MBTPS1: variants seen among roughly 807,000 people sequenced by gnomAD.
The protein encoded by MBTPS1 is membrane bound transcription factor peptidase, site 1.
In MBTPS1, 94 loss-of-function variants were observed where a neutral mutation model predicts 127.8. That is an observed-to-expected ratio of 0.74 (90% CI 0.62 to 0.87). MBTPS1 has a LOEUF of 0.87. Among genes scored for constraint, MBTPS1 ranks in the 40% least tolerant of loss-of-function variants. MBTPS1 has a pLI of 0.00. For missense variants in MBTPS1, 1,636 were observed against 1,353.2 expected, an observed-to-expected ratio of 1.21 and a Z score of -3.28; for synonymous variants, 632 against 509.4, an observed-to-expected ratio of 1.24 and a Z score of -3.24.
intron 2 of MBTPS1, among the ~76,000 whole-genome samples, chr16:84,100,037 GTCAC>G (rs2086232484): frequency 1.3e-5 from 2 of 152,292 alleles, no homozygotes; most frequent in African/African-American, 2.4e-5. Flanking sequence ...TTCACATCTG[GTCAC>G]TCAAACTTTA....
chr16:84,071,703 G>A (rs565994752), intron 12 of MBTPS1: 5 of 151,368 alleles, frequency 3.3e-5, no homozygotes, highest in Non-Finnish European at 7.4e-5. Context: ...AACAATAAAA[G>A]TCACAAAACA....
At chr16:84,103,546 C>T (rs1450117558) in intron 1 of MBTPS1, among the ~76,000 whole-genome samples, 3 of 152,090 alleles carry the variant, frequency 2.0e-5, no homozygotes, top group Non-Finnish European at 4.4e-5. Context: ...GCCGCCATGT[C>T]CGCCCACTAC....
Position 84,091,666 on chromosome 16 carries a change from T to C in MBTPS1, c.963+66A>G, listed in dbSNP as rs2086108726. On this transcript the variant is annotated intron_variant, in intron 7 of 22. Coordinates refer to ENST00000343411, the MANE Select transcript of MBTPS1 (RefSeq NM_003791.4). ...AAAGCCACCAACACACTAGATATGA[T>C]GCAAAGTTGGGCTGCGAAAGAGCAG... is the stretch of plus-strand genomic sequence containing the variant. The C allele has an allele frequency of 2.8e-6, 3 of 1,069,096 alleles. No homozygotes were observed. The Admixed American group carries it at 5.1e-5, about 18-fold the overall frequency. 66.2% of individuals were successfully genotyped at this position (1,069,096 alleles called of 1,614,324 possible). A position where few individuals can be genotyped will look rare whatever the true frequency, so the allele number is the denominator to read the frequency against.
intron 13 of MBTPS1, 99 bp from the exon 14 acceptor site, chr16:84,070,137 A>C: frequency 9.8e-7 from 1 of 1,017,016 alleles, no homozygotes; most frequent in African/African-American, 1.6e-5. Flanking sequence ...AACCTAAATA[A>C]TTTGAACACA....
Position 84,101,983 on chromosome 16 carries a change from C to T in MBTPS1, c.-200G>A. The T allele has an allele frequency of 1.9e-6, 1 of 540,508 alleles. No individual in the cohort carries two copies. Among genetic ancestry groups the T allele is most frequent in the South Asian group, 2.5e-5 (1 of 40,666 alleles). 33.5% of individuals were successfully genotyped at this position (540,508 alleles called of 1,614,324 possible). A position where few individuals can be genotyped will look rare whatever the true frequency, so the allele number is the denominator to read the frequency against. ...GAAGAGAGGCTTTCATTTCTTTCTC[C>T]GCTTCTTCTCCATCTTGGAAATAAG... On this transcript the variant is annotated 5_prime_UTR_variant, in exon 2 of 23. Transcript: ENST00000343411.
intron 11 of MBTPS1, among the ~76,000 whole-genome samples, chr16:84,080,316 C>T (rs1054937538): frequency 2.0e-5 from 3 of 152,198 alleles, no homozygotes; most frequent in South Asian, 2.1e-4. Flanking sequence ...AAAATCATCA[C>T]GTGTCAAAGT....
At chr16:84,099,414 A>G in intron 2 of MBTPS1, 104 bp from the exon 3 acceptor site, 1 of 1,159,470 alleles carries the variant, frequency 8.6e-7, no homozygotes, top group Non-Finnish European at 1.2e-6. Flanking sequence ...AATTATCTTA[A>G]AGCCCACAGC....
chr16:84,106,102 C>A (rs2086320052), intron 1 of MBTPS1, among the ~76,000 whole-genome samples: 1 of 152,104 alleles, frequency 6.6e-6, no homozygotes, highest in Non-Finnish European at 1.5e-5. Flanking sequence ...CGAGACCATC[C>A]TGGCCAAAAT....
At chr16:84,109,162 G>T (rs950239723) in intron 1 of MBTPS1, among the ~76,000 whole-genome samples, 20 of 152,318 alleles carry the variant, frequency 1.3e-4, no homozygotes, top group Non-Finnish European at 1.3e-4. Flanking sequence ...TCCAGTCTGG[G>T]TACGGTAAGA....
At chr16:84,078,537 C>G (rs1323920704) in intron 11 of MBTPS1, among the ~76,000 whole-genome samples, 1 of 152,178 alleles carries the variant, frequency 6.6e-6, no homozygotes, top group Non-Finnish European at 1.5e-5. Flanking sequence ...CAATGCTGAG[C>G]AGGGTAAATT....
chr16:84,067,028 C>A (rs192911545), intron 16 of MBTPS1, among the ~76,000 whole-genome samples: 1 of 152,032 alleles, frequency 6.6e-6, no homozygotes. Context: ...AAGGGAAGGA[C>A]ATTATTCCCT....
intron 7 of MBTPS1, among the ~76,000 whole-genome samples, chr16:84,091,482 A>G (rs1437004000): frequency 3.3e-5 from 3 of 92,020 alleles, no homozygotes; most frequent in Non-Finnish European, 6.6e-5. Context: ...ATAAAACTCC[A>G]TCTCAAAAAA....
chr16:84,070,709 A>T lies in MBTPS1; in HGVS notation c.1661T>A (p.Val554Asp), dbSNP rs765935003. The T allele has an allele frequency of 6.2e-7, 1 of 1,614,142 alleles. No individual in the cohort carries two copies. The highest frequency in any genetic ancestry group is 1.1e-5 in the South Asian group (1 of 91,074). The change falls in exon 13 of 23, where the codon GTC (valine) becomes GAC (aspartate). Residue 554 changes from valine to aspartate, a missense_variant. By Grantham distance (152) the Val-to-Asp change is radical. Transcript: ENST00000343411. Reference sequence around the variant, plus strand: ...CAGGTAGCCCGACCAAGGCCATAAGACCGAGGAGTAGGAGAAGGCAACTTC... The same window carrying T: ...CAGGTAGCCCGACCAAGGCCATAAGTCCGAGGAGTAGGAGAAGGCAACTTC... ...NIEVAFSYSS[V>D]LWPWSGYLAI...
intron 20 of MBTPS1, chr16:84,060,408 G>T: frequency 2.7e-6 from 1 of 369,750 alleles, no homozygotes; most frequent in South Asian, 3.9e-5. Context: ...GTGAGAGCGG[G>T]ACGGTAAACA....
At chr16:84,112,898 C>G (rs771493926) in intron 1 of MBTPS1, among the ~76,000 whole-genome samples, 1 of 147,002 alleles carries the variant, frequency 6.8e-6, no homozygotes, top group Non-Finnish European at 1.5e-5. Context: ...TCGCTTGAAC[C>G]TGGGAGACAG....
In MBTPS1 at chr16:84,101,803, C is replaced by T. The variant is rs571125626; in HGVS notation, c.-20G>A. The T allele has an allele frequency of 1.8e-5, 28 of 1,591,078 alleles. No individual in the cohort carries two copies. The African/African-American group carries it at 3.5e-4, about 20-fold the overall frequency. On this transcript the variant is annotated 5_prime_UTR_variant, in exon 2 of 23. It removes an upstream start codon present in the reference 5' UTR. Coordinates refer to ENST00000343411, the MANE Select transcript of MBTPS1 (RefSeq NM_003791.4). ...CTTCATGGTCACAAGCGAATATGAT[C>T]ATAAAATTGCATATATTCAAATCAC...
chr16:84,068,016 T>C (rs1381591917), intron 15 of MBTPS1, among the ~76,000 whole-genome samples, 193 bp from the exon 16 acceptor site: 1 of 152,228 alleles, frequency 6.6e-6, no homozygotes. Flanking sequence ...CGACTAACTG[T>C]GATCTGATTT....
intron 6 of MBTPS1, among the ~76,000 whole-genome samples, chr16:84,092,800 C>A (rs1027530457): frequency 1.3e-5 from 2 of 152,176 alleles, no homozygotes; most frequent in Admixed American, 1.3e-4. Context: ...TAAAACAGCT[C>A]AAGGTGGTAG....
chr16:84,067,783 A>G lies in MBTPS1; in HGVS notation c.2112T>C (p.Pro704=), dbSNP rs2151145915. ...CCCTCCGGAGCTTGGCGATCTCTTC[A>G]GGGAAGTACTCCTCCTCACTGTCCA... ...LMVDSEEEYF[P]EEIAKLRRDV... is the part of the protein sequence containing the mutation. Residue 704 remains proline, a synonymous_variant, in exon 16 of 23, where the codon CCT becomes CCC. Transcript: ENST00000343411. The G allele has an allele frequency of 6.2e-7, 1 of 1,613,946 alleles. No individual in the cohort carries two copies. Among genetic ancestry groups the G allele is most frequent in the Non-Finnish European group, 8.5e-7 (1 of 1,179,808 alleles).
Sources: allele counts gnomAD v4.1 joint callset (sites outside exome capture counted in the v4.1 genomes callset), GRCh38; gene constraint gnomAD v4.1.1; transcripts MANE v1.5; gene names NCBI Gene and HGNC (gene_info 2026-07-23, HGNC 2026-07-21).